PRR16: variants seen among roughly 807,000 people sequenced by gnomAD.
PRR16 encodes protein Largen.
In PRR16, 6 loss-of-function variants were observed where a neutral mutation model predicts 18.2. The ratio of observed to expected loss-of-function variants is 0.33; its 90% CI spans 0.18 to 0.65. PRR16 has a LOEUF of 0.65. Among genes scored for constraint, PRR16 ranks in the 30% least tolerant of loss-of-function variants. The probability of loss-of-function intolerance (pLI) is 0.74; values close to 1 mark genes in which losing one functional copy is unlikely to be tolerated. For missense variants in PRR16, 412 were observed against 376.6 expected, an observed-to-expected ratio of 1.09 and a Z score of -0.78; for synonymous variants, 151 against 147.8, an observed-to-expected ratio of 1.02 and a Z score of -0.16.
chr5:120,632,080 A>G (rs1204129859), intron 1 of PRR16, among the ~76,000 whole-genome samples: 1 of 152,194 alleles, frequency 6.6e-6, no homozygotes, highest in African/African-American at 2.4e-5. Flanking sequence ...GATACTCCCC[A>G]GTACCAGCCT....
rs190544905 is a variant in PRR16 at position 120,643,487 on chromosome 5, C to T, written c.160-42467C>T. Among the ~76,000 whole-genome samples the T allele has an allele frequency of 1.4e-4, 21 of 152,210 alleles. No homozygotes were observed. The East Asian group carries it at 3.7e-3, about 27-fold the overall frequency. On this transcript the variant is annotated intron_variant, in intron 1 of 1. Coordinates refer to ENST00000407149, the MANE Select transcript of PRR16 (RefSeq NM_001300783.2). ...CATGATTTTTAAAAAAATATTCACTCATTGTTTTATTTTGGTCAAAATGCT... is the reference window on the plus strand; with the variant it reads ...CATGATTTTTAAAAAAATATTCACTTATTGTTTTATTTTGGTCAAAATGCT...
chr5:120,605,943 C>G (rs1754140280), intron 1 of PRR16, among the ~76,000 whole-genome samples: 1 of 152,112 alleles, frequency 6.6e-6, no homozygotes, highest in African/African-American at 2.4e-5. Flanking sequence ...GGGCTGCCAG[C>G]AAAAGCACTC....
chr5:120,610,543 C>A (rs1754300330), intron 1 of PRR16, among the ~76,000 whole-genome samples: 1 of 151,830 alleles, frequency 6.6e-6, no homozygotes. Context: ...ATCACGGGGG[C>A]CAGTCTTTCC....
At position 120,686,432 on chromosome 5, in the gene PRR16, A is replaced by T; in HGVS notation, c.638A>T (p.Tyr213Phe). The T allele has an allele frequency of 6.2e-7, 1 of 1,614,132 alleles. No homozygotes were observed. The change falls in exon 2 of 2, where the codon TAC (tyrosine) becomes TTC (phenylalanine). Residue 213 changes from tyrosine (Y) to phenylalanine (F), a missense_variant. Coordinates refer to ENST00000407149, the MANE Select transcript of PRR16 (RefSeq NM_001300783.2). ...GTTCGGTTTAATGAAAAAGTACAGT[A>T]CCATGGCTATTGTCCTGACTGTGAT... ...ERVRFNEKVQ[Y>F]HGYCPDCDTR...
chr5:120,754,510 A>T, the PRR16 span, among the ~76,000 whole-genome samples: 21 of 71,676 alleles, frequency 2.9e-4, no homozygotes, highest in African/African-American at 7.8e-4. Flanking sequence ...TATTATGTAT[A>T]TTATATATTA....
chr5:120,719,477 C>T, the PRR16 span, among the ~76,000 whole-genome samples: 1 of 151,958 alleles, frequency 6.6e-6, no homozygotes, highest in South Asian at 2.1e-4. Context: ...AACAGGTTGT[C>T]TTTTTCCATT....
At chr5:120,480,366 G>T (rs1749571478) in intron 1 of PRR16, among the ~76,000 whole-genome samples, 2 of 152,148 alleles carry the variant, frequency 1.3e-5, no homozygotes, top group South Asian at 4.1e-4. Context: ...TGTAGCTCAG[G>T]TAACCTAAGA....
chr5:120,559,818 T>C (rs1232322711), intron 1 of PRR16, among the ~76,000 whole-genome samples: 4 of 151,988 alleles, frequency 2.6e-5, no homozygotes, highest in Non-Finnish European at 5.9e-5. Flanking sequence ...TTTTGTGTCC[T>C]GTTCAATTTC....
intron 1 of PRR16, 50 bp downstream of exon 1, chr5:120,464,695 G>T: frequency 1.4e-6 from 2 of 1,460,366 alleles, no homozygotes; most frequent in Non-Finnish European, 1.8e-6. Context: ...CGACCCCTCC[G>T]GGGTCCCCTT....
chr5:120,745,606 A>G, the PRR16 span, among the ~76,000 whole-genome samples: 1 of 152,054 alleles, frequency 6.6e-6, no homozygotes, highest in Non-Finnish European at 1.5e-5. Flanking sequence ...TTTTGATTTT[A>G]TGGCCTCCAG....
chr5:120,618,201 T>C (rs1196806052), intron 1 of PRR16, among the ~76,000 whole-genome samples: 1 of 152,138 alleles, frequency 6.6e-6, no homozygotes, highest in Non-Finnish European at 1.5e-5. Context: ...GATGTCTGGA[T>C]AATGTCAAAT....
the PRR16 span, among the ~76,000 whole-genome samples, chr5:120,765,986 T>G: frequency 6.6e-6 from 1 of 150,972 alleles, no homozygotes; most frequent in Non-Finnish European, 1.5e-5. Context: ...ATACCACAAT[T>G]TATTTATCCA....
At chr5:120,697,622 G>C in the PRR16 span, among the ~76,000 whole-genome samples, 1 of 152,192 alleles carries the variant, frequency 6.6e-6, no homozygotes, top group Non-Finnish European at 1.5e-5. Context: ...CCTGGGTGCA[G>C]GCGGGCTGAG....
At chr5:120,551,255 C>T (rs1752245212) in intron 1 of PRR16, among the ~76,000 whole-genome samples, 1 of 151,930 alleles carries the variant, frequency 6.6e-6, no homozygotes. Context: ...TAAATAAGAT[C>T]ATGCTGTATT....
chr5:120,610,802 C>T (rs913430910), intron 1 of PRR16, among the ~76,000 whole-genome samples: 1 of 151,926 alleles, frequency 6.6e-6, no homozygotes, highest in Non-Finnish European at 1.5e-5. Context: ...AAATTGGTAC[C>T]AATAGAGTGG....
intron 1 of PRR16, among the ~76,000 whole-genome samples, chr5:120,606,209 G>A (rs1754148701): frequency 6.6e-6 from 1 of 152,160 alleles, no homozygotes; most frequent in Non-Finnish European, 1.5e-5. Context: ...GAATGTGCCA[G>A]CATCCTTTCT....
the PRR16 span, among the ~76,000 whole-genome samples, chr5:120,736,712 C>T: frequency 6.6e-6 from 1 of 151,886 alleles, no homozygotes. Context: ...GTCTTTCAAT[C>T]ATCTCATGAA....
the PRR16 span, among the ~76,000 whole-genome samples, chr5:120,726,620 T>A: frequency 6.6e-6 from 1 of 152,062 alleles, no homozygotes; most frequent in African/African-American, 2.4e-5. Flanking sequence ...TAATAGCTCA[T>A]GGTTTAATAT....
intron 1 of PRR16, among the ~76,000 whole-genome samples, chr5:120,637,376 G>T (rs2112850309): frequency 7.4e-6 from 1 of 135,648 alleles, no homozygotes; most frequent in Non-Finnish European, 1.6e-5. Flanking sequence ...AGCAAAATTT[G>T]CAGTTTCAAA....
Sources: gnomAD v4.1 joint callset for allele counts (sites outside exome capture counted in the v4.1 genomes callset) on GRCh38, gnomAD v4.1.1 for gene constraint, MANE v1.5 for transcripts, NCBI Gene and HGNC (gene_info 2026-07-23, HGNC 2026-07-21) for gene names.